Variants in CNTN4 observed in about 807,000 individuals in gnomAD.
CNTN4 encodes the protein contactin-4.
CNTN4 carries 77 observed loss-of-function variants against 122.5 expected under a neutral mutation model. The observed-to-expected ratio is 0.63, with a 90% CI of 0.52 to 0.76. The LOEUF (loss-of-function observed/expected upper bound fraction) is 0.76. CNTN4 is among the 30% of genes least tolerant of loss of function. The pLI is 0.00. For synonymous variants in CNTN4, 512 were observed against 447.0 expected (o/e 1.15, Z -1.83); for missense variants, 1,256 against 1,259.1 (o/e 1.00, Z 0.04).
chr3:2,241,545 A>T (rs150868590), intron 2 of CNTN4, among the ~76,000 whole-genome samples: 484 of 152,146 alleles, frequency 3.2e-3, no homozygotes, highest in Admixed American at 5.8e-3. Context: ...TTGGCTTCTA[A>T]TGTTTAGCTT....
chr3:2,123,398 T>G (rs2125226215), intron 2 of CNTN4, among the ~76,000 whole-genome samples: 1 of 152,342 alleles, frequency 6.6e-6, no homozygotes, highest in Non-Finnish European at 1.5e-5. Flanking sequence ...ATCACTTGGC[T>G]TTACTAATTT....
At chr3:2,328,345 G>T (rs977394070) in intron 2 of CNTN4, among the ~76,000 whole-genome samples, 1 of 150,854 alleles carries the variant, frequency 6.6e-6, no homozygotes. Context: ...GGCGGAGCTT[G>T]CGGTGAGCCA....
intron 3 of CNTN4, among the ~76,000 whole-genome samples, chr3:2,408,402 A>G (rs1368008111): frequency 2.6e-5 from 4 of 152,198 alleles, no homozygotes; most frequent in Non-Finnish European, 5.9e-5. Context: ...AGGAAAATGT[A>G]CTTGAGGAAA....
chr3:2,375,332 G>T (rs1289956675), intron 3 of CNTN4, among the ~76,000 whole-genome samples: 1 of 152,196 alleles, frequency 6.6e-6, no homozygotes, highest in Non-Finnish European at 1.5e-5. Context: ...TATGTCACAA[G>T]TCATCCCAAC....
intron 4 of CNTN4, among the ~76,000 whole-genome samples, chr3:2,687,868 CAA>C (rs2085517958): frequency 1.3e-5 from 2 of 152,040 alleles, no homozygotes; most frequent in Admixed American, 1.3e-4. Flanking sequence ...GAATGAAACT[CAA>C]AGAGGCCAGG....
chr3:2,585,046 T>C (rs1482155783), intron 4 of CNTN4, among the ~76,000 whole-genome samples: 1 of 152,130 alleles, frequency 6.6e-6, no homozygotes, highest in Non-Finnish European at 1.5e-5. Flanking sequence ...CAGAGGAAAA[T>C]ACTACATCAC....
chr3:2,345,134 T>A (rs2150393277), intron 3 of CNTN4, among the ~76,000 whole-genome samples: 1 of 152,330 alleles, frequency 6.6e-6, no homozygotes, highest in Non-Finnish European at 1.5e-5. Context: ...AGAGAACACA[T>A]CCCTGTGGCC....
chr3:2,610,424 G>A (rs1309897112), intron 4 of CNTN4, among the ~76,000 whole-genome samples: 7 of 152,100 alleles, frequency 4.6e-5, no homozygotes, highest in East Asian at 1.9e-4. Context: ...CTTTAAGCCC[G>A]TGGCCTTCTA....
rs1018276827 is a variant in CNTN4 at position 2,385,019 on chromosome 3, T to C, written c.-89+45786T>C. Among the ~76,000 whole-genome samples, 2 of 152,154 alleles carry C rather than the reference T, an allele frequency of 1.3e-5. No individual in the cohort carries two copies. The highest frequency in any genetic ancestry group is 2.9e-5 in the Non-Finnish European group (2 of 68,016). On this transcript the variant is annotated intron_variant, in intron 3 of 24. Transcript: ENST00000418658. The surrounding 1 kb of genome is among the most constrained non-coding windows in gnomAD (Gnocchi z 4.0). ...TTACTGCCTCCATTCAGATCCTCCT[T>C]TTCTCTCTTGCTTCGCCTCTTACTC... is the stretch of plus-strand genomic sequence containing the variant.
chr3:2,581,343 A>C lies in CNTN4; in HGVS notation c.55+9785A>C, dbSNP rs1037484636. ...CTGACCTCAGAGACTTTAATATATA[A>C]GGGGATTCTGATGCTTAAGAAAGGT... On this transcript the variant is annotated intron_variant, in intron 4 of 24. Coordinates refer to ENST00000418658, the MANE Select transcript of CNTN4 (RefSeq NM_175607.3). 3.3e-5 allele frequency among the ~76,000 whole-genome samples: 5 copies of C among 152,256 alleles called. No homozygotes were observed. In the South Asian group the frequency reaches 1.0e-3, roughly 32 times the overall value.
chr3:2,408,592 A>T (rs547467808), intron 3 of CNTN4, among the ~76,000 whole-genome samples: 1 of 152,308 alleles, frequency 6.6e-6, no homozygotes, highest in African/African-American at 2.4e-5. Context: ...CATTTTAATA[A>T]ATTGTGAAGA....
At chr3:2,116,827 C>T (rs1236682480) in intron 2 of CNTN4, among the ~76,000 whole-genome samples, 1 of 152,162 alleles carries the variant, frequency 6.6e-6, no homozygotes, top group Non-Finnish European at 1.5e-5. Context: ...TCAGCCCTGG[C>T]TCCTCCTTAG....
chr3:2,469,916 TTA>T (rs2075627279), intron 3 of CNTN4, among the ~76,000 whole-genome samples: 2 of 152,218 alleles, frequency 1.3e-5, no homozygotes, highest in Admixed American at 1.3e-4. Context: ...CAAGACTGTA[TTA>T]GTGTTTATAT....
chr3:2,332,042 A>C (rs975854607), intron 2 of CNTN4, among the ~76,000 whole-genome samples: 2 of 152,072 alleles, frequency 1.3e-5, no homozygotes, highest in African/African-American at 4.8e-5. Context: ...TCTCTTTTTC[A>C]GTCTCTTGAA....
chr3:2,798,826 T>C (rs1039979735), intron 6 of CNTN4, among the ~76,000 whole-genome samples: 20 of 152,188 alleles, frequency 1.3e-4, no homozygotes, highest in African/African-American at 4.8e-4. Context: ...CCTTTTGATA[T>C]AATGATTTTT....
intron 2 of CNTN4, among the ~76,000 whole-genome samples, chr3:2,212,282 C>T (rs1379228658): frequency 1.3e-5 from 2 of 151,990 alleles, no homozygotes; most frequent in Non-Finnish European, 2.9e-5. Flanking sequence ...ACCTCCTCAT[C>T]ATGTTGAAAC....
At chr3:2,326,621 C>T (rs531468401) in intron 2 of CNTN4, among the ~76,000 whole-genome samples, 1 of 152,130 alleles carries the variant, frequency 6.6e-6, no homozygotes, top group Non-Finnish European at 1.5e-5. Context: ...AAGCAATGAT[C>T]TCTATAACTT....
intron 7 of CNTN4, among the ~76,000 whole-genome samples, chr3:2,863,374 T>C (rs1252282031): frequency 6.6e-6 from 1 of 151,764 alleles, no homozygotes; most frequent in East Asian, 1.9e-4. Context: ...AAATGTCAGA[T>C]GTTGAACCAT....
intron 3 of CNTN4, among the ~76,000 whole-genome samples, chr3:2,481,436 C>T (rs958037787): frequency 1.3e-5 from 2 of 152,180 alleles, no homozygotes; most frequent in African/African-American, 2.4e-5. Context: ...CCACTGTGCC[C>T]AGCCAAGATA....
Sources: gnomAD v4.1 joint callset for allele counts (sites outside exome capture counted in the v4.1 genomes callset) on GRCh38, gnomAD v4.1.1 for gene constraint, Gnocchi (gnomAD v3.1) non-coding constraint, MANE v1.5 for transcripts, NCBI Gene and HGNC (gene_info 2026-07-23, HGNC 2026-07-21) for gene names.